Variants in USH2A observed in about 807,000 individuals in gnomAD.
The protein encoded by USH2A is usherin, also known as Usher syndrome 2A (autosomal recessive, mild).
In USH2A, 443 loss-of-function variants were observed where a neutral mutation model predicts 538.9. The observed-to-expected ratio is 0.82, with a 90% CI of 0.76 to 0.89. USH2A has a LOEUF of 0.89. USH2A is among the 40% of genes least tolerant of loss of function. USH2A has a pLI of 0.00. For synonymous variants in USH2A, 2,413 were observed against 2,273.5 expected, an observed-to-expected ratio of 1.06 and a Z score of -1.75; for missense variants, 6,633 against 6,324.8, an observed-to-expected ratio of 1.05 and a Z score of -1.65.
At chr1:216,262,955 G>A (rs1044520443) in intron 11 of USH2A, among the ~76,000 whole-genome samples, 2 of 152,034 alleles carry the variant, frequency 1.3e-5, no homozygotes, top group African/African-American at 4.8e-5. Flanking sequence ...CACTACAACT[G>A]AAACCACAAA....
At chr1:215,710,934 T>C (rs1571976723) in intron 61 of USH2A, among the ~76,000 whole-genome samples, 1 of 152,088 alleles carries the variant, frequency 6.6e-6, no homozygotes, top group Non-Finnish European at 1.5e-5. Context: ...CCATTTCTTC[T>C]ATCGGCTTCT....
rs931606651 is a variant in USH2A at position 216,109,442 on chromosome 1, T to A, written c.4628-12229A>T. Among the ~76,000 whole-genome samples the A allele has an allele frequency of 4.6e-5, 7 of 152,310 alleles. No homozygotes were observed. The East Asian group carries it at 1.4e-3, about 29-fold the overall frequency. On this transcript the variant is annotated intron_variant, in intron 21 of 71. Transcript: ENST00000307340. The stretch of plus-strand genomic sequence containing the variant: ...ACTCTGATCACCTATGAAGCACTTA[T>A]TTCTTCCTAAAATTCAATTCAGCCA...
intron 3 of USH2A, among the ~76,000 whole-genome samples, chr1:216,389,621 T>C (rs928725896): frequency 1.3e-5 from 2 of 152,172 alleles, no homozygotes; most frequent in African/African-American, 4.8e-5. Flanking sequence ...ATACTTCCCA[T>C]TAATTTCTAA....
intron 11 of USH2A, among the ~76,000 whole-genome samples, chr1:216,273,878 T>A (rs1003435283): frequency 2.7e-5 from 4 of 150,788 alleles, no homozygotes; most frequent in African/African-American, 2.4e-5. Context: ...CAATAAACCA[T>A]ACATACCATT....
chr1:216,196,464 A>T, intron 19 of USH2A, 89 bp downstream of exon 19: 1 of 1,471,320 alleles, frequency 6.8e-7, no homozygotes, highest in East Asian at 2.3e-5. Flanking sequence ...TAGAGGGAGA[A>T]TTCTGTCACA....
chr1:215,647,426 T>A, intron 67 of USH2A, 96 bp downstream of exon 67: 1 of 1,450,346 alleles, frequency 6.9e-7, no homozygotes, highest in Non-Finnish European at 9.6e-7. Context: ...GCCCACTCAA[T>A]CTGTTTTTAA....
chr1:216,066,948 GT>G lies in USH2A; in HGVS notation c.6049+3152del, dbSNP rs1414087205. Among the ~76,000 whole-genome samples the G allele has an allele frequency of 2.0e-5, 3 of 152,178 alleles. No homozygotes were observed. The East Asian group carries it at 5.8e-4, about 29-fold the overall frequency. ...CAATGTCTTAAAAGCCTTCGATGCA[GT>G]TATTCCACTGCTAGGGATTTATTAT... On this transcript the variant is annotated intron_variant, in intron 30 of 71. Transcript: ENST00000307340.
At chr1:216,206,539 G>A (rs973127856) in intron 16 of USH2A, among the ~76,000 whole-genome samples, 2 of 152,274 alleles carry the variant, frequency 1.3e-5, no homozygotes, top group East Asian at 1.9e-4. Context: ...CAGTAATGTC[G>A]CCGGCCTGCT....
intron 11 of USH2A, among the ~76,000 whole-genome samples, chr1:216,285,722 G>C (rs2036869959): frequency 6.6e-6 from 1 of 152,238 alleles, no homozygotes; most frequent in South Asian, 2.1e-4. Flanking sequence ...GCTGTACCCA[G>C]CAAAGCCACA....
At chr1:215,793,659 C>T (rs1055805644) in intron 50 of USH2A, among the ~76,000 whole-genome samples, 1 of 152,114 alleles carries the variant, frequency 6.6e-6, no homozygotes, top group Non-Finnish European at 1.5e-5. Context: ...AATTATACTT[C>T]CCTCTGCAAA....
intron 61 of USH2A, among the ~76,000 whole-genome samples, chr1:215,720,067 T>C (rs1446116679): frequency 6.6e-6 from 1 of 152,196 alleles, no homozygotes; most frequent in Admixed American, 6.5e-5. Context: ...GTAACTCTAC[T>C]GGAACAGCTA....
intron 21 of USH2A, chr1:216,174,015 T>C (rs756258419): frequency 1.0e-6 from 1 of 985,360 alleles, no homozygotes; most frequent in Non-Finnish European, 1.2e-6. Context: ...TTTCTAATAC[T>C]CTGCAATGAT....
chr1:216,199,028 C>T (rs939031721), intron 17 of USH2A, among the ~76,000 whole-genome samples: 2 of 151,930 alleles, frequency 1.3e-5, no homozygotes, highest in Non-Finnish European at 2.9e-5. Flanking sequence ...TAACATAAGC[C>T]CTGTTTGCAT....
At chr1:215,974,192 C>T (rs911546944) in intron 35 of USH2A, among the ~76,000 whole-genome samples, 2 of 152,076 alleles carry the variant, frequency 1.3e-5, no homozygotes, top group African/African-American at 2.4e-5. Context: ...AAGTCTAAAA[C>T]ACCTATTAAC....
At chr1:215,629,187 G>T in intron 70 of USH2A, 152 bp from the exon 71 acceptor site, 1 of 845,348 alleles carries the variant, frequency 1.2e-6, no homozygotes, top group Non-Finnish European at 1.9e-6. Context: ...GTCACCTACA[G>T]AATTTAGCAG....
At position 215,671,246 on chromosome 1, in the gene USH2A, C is replaced by T. The variant is rs1457896247; in HGVS notation, c.13859G>A (p.Ser4620Asn). 16 of 1,613,964 alleles carry T rather than the reference C, an allele frequency of 9.9e-6. No homozygotes were observed. The highest frequency in any genetic ancestry group is 1.3e-5 in the Non-Finnish European group (15 of 1,180,020). The change falls in exon 64 of 72, where the codon AGT becomes AAT. Residue 4620 changes from serine to asparagine, a missense_variant. Coordinates refer to ENST00000307340, the MANE Select transcript of USH2A (RefSeq NM_206933.4). The stretch of plus-strand genomic sequence containing the variant: ...AGGGGTCTGTATGAATGTCCAGTCA[C>T]TTGATGCACATCCCAGGGTGGTGCA... ...QACTTLGCAS[S>N]DWTFIQTPEI...
intron 36 of USH2A, among the ~76,000 whole-genome samples, chr1:215,968,323 T>C (rs1204081706): frequency 6.6e-6 from 1 of 152,102 alleles, no homozygotes; most frequent in Non-Finnish European, 1.5e-5. Flanking sequence ...AGGAGAATCA[T>C]TGTGGGTTTT....
chr1:216,134,181 G>T (rs1011677151), intron 21 of USH2A, among the ~76,000 whole-genome samples: 2 of 151,964 alleles, frequency 1.3e-5, no homozygotes, highest in Non-Finnish European at 2.9e-5. Context: ...TAAATTCAGA[G>T]ATTAATTTCC....
At position 215,763,866 on chromosome 1, in the gene USH2A, T is replaced by TA. The variant is rs950379929; in HGVS notation, c.11047+2814dup. On this transcript the variant is annotated intron_variant, in intron 56 of 71. Coordinates refer to ENST00000307340, the MANE Select transcript of USH2A (RefSeq NM_206933.4). ...GGACGGGAAAGAAGAACAATTTTTT[T>TA]AAAAAAAATTCTTAAGATTTAAAAC... Among the ~76,000 whole-genome samples the TA allele has an allele frequency of 7.0e-4, 106 of 151,572 alleles. 1 individual carries two copies. The highest frequency in any genetic ancestry group is 2.1e-4 in the Non-Finnish European group (14 of 67,892).
Sources: gnomAD v4.1 joint callset for allele counts (sites outside exome capture counted in the v4.1 genomes callset) on GRCh38, gnomAD v4.1.1 for gene constraint, MANE v1.5 for transcripts, NCBI Gene and HGNC (gene_info 2026-07-23, HGNC 2026-07-21) for gene names.